CACNA1E: variants seen among roughly 807,000 people sequenced by gnomAD.
The protein encoded by CACNA1E is calcium voltage-gated channel subunit alpha1 E.
CACNA1E carries 40 observed loss-of-function variants against 259.2 expected under a neutral mutation model. The observed-to-expected ratio is 0.15, with a 90% CI of 0.12 to 0.20. The LOEUF (loss-of-function observed/expected upper bound fraction) is 0.20. CACNA1E is among the 10% of genes least tolerant of loss of function. CACNA1E has a pLI of 1.00. For synonymous variants in CACNA1E, 1,104 were observed against 1,138.5 expected, an observed-to-expected ratio of 0.97 and a Z score of 0.61; for missense variants, 1,874 against 3,040.1, an observed-to-expected ratio of 0.62 and a Z score of 9.02.
intron 7 of CACNA1E, among the ~76,000 whole-genome samples, chr1:181,692,766 G>A (rs1379597982): frequency 1.3e-5 from 2 of 152,024 alleles, no homozygotes; most frequent in Non-Finnish European, 2.9e-5. Flanking sequence ...GTCCTCAAAA[G>A]CAATTGCAAT....
At chr1:181,635,305 A>G (rs1283084709) in intron 6 of CACNA1E, among the ~76,000 whole-genome samples, 1 of 152,122 alleles carries the variant, frequency 6.6e-6, no homozygotes, top group Non-Finnish European at 1.5e-5. Context: ...ACCTGTTGCT[A>G]TGGCAGCAAC....
At chr1:181,635,153 C>T (rs948570479) in intron 6 of CACNA1E, among the ~76,000 whole-genome samples, 1 of 152,220 alleles carries the variant, frequency 6.6e-6, no homozygotes, top group African/African-American at 2.4e-5. Flanking sequence ...GGGGCCAGAG[C>T]CCAAGTGGGA....
At chr1:181,331,220 A>ATAGC (rs1175430523) in intron 1 of CACNA1E, among the ~76,000 whole-genome samples, 1 of 152,092 alleles carries the variant, frequency 6.6e-6, no homozygotes, top group African/African-American at 2.4e-5. Context: ...TAGGAGATAG[A>ATAGC]TAGATAGATA....
intron 6 of CACNA1E, among the ~76,000 whole-genome samples, chr1:181,610,568 C>T (rs1053954074): frequency 6.6e-6 from 1 of 152,160 alleles, no homozygotes; most frequent in Non-Finnish European, 1.5e-5. Flanking sequence ...AACATTGTTT[C>T]TTATGCTTAA....
chr1:181,682,024 A>G (rs1650024262), intron 7 of CACNA1E, among the ~76,000 whole-genome samples: 1 of 152,176 alleles, frequency 6.6e-6, no homozygotes, highest in Non-Finnish European at 1.5e-5. Context: ...TGGCAATGCA[A>G]TATTTGCCCT....
intron 26 of CACNA1E, among the ~76,000 whole-genome samples, chr1:181,750,995 G>T (rs542619685): frequency 3.3e-5 from 5 of 151,772 alleles, no homozygotes; most frequent in African/African-American, 9.7e-5. Flanking sequence ...GGGTAGGGGG[G>T]TAGGTATCGC....
chr1:181,596,094 G>A (rs1653128322), intron 6 of CACNA1E, among the ~76,000 whole-genome samples: 1 of 152,182 alleles, frequency 6.6e-6, no homozygotes, highest in Admixed American at 6.5e-5. Flanking sequence ...GAGGGAGAAA[G>A]ATGGGAGATT....
chr1:181,521,884 G>T (rs1334910831), intron 3 of CACNA1E, among the ~76,000 whole-genome samples: 1 of 152,072 alleles, frequency 6.6e-6, no homozygotes, highest in Non-Finnish European at 1.5e-5. Flanking sequence ...GGCCATGGCA[G>T]GTGTGAGAAA....
At position 181,510,593 on chromosome 1, in the gene CACNA1E, C is replaced by G; in HGVS notation, c.372+11C>G. The G allele has an allele frequency of 2.6e-6, 4 of 1,523,076 alleles. No homozygotes were observed. The highest frequency in any genetic ancestry group is 3.6e-6 in the Non-Finnish European group (4 of 1,096,958). 94.3% of individuals were successfully genotyped at this position (1,523,076 alleles called of 1,614,324 possible). On this transcript the variant is annotated intron_variant, in intron 2 of 47. Transcript: ENST00000367573. ...ATGTCCCGAAGACTGGTATGTGATT[C>G]CCCTCCTTCTCCCCTTTGCCCCTTT... is the stretch of plus-strand genomic sequence containing the variant.
intron 25 of CACNA1E, among the ~76,000 whole-genome samples, chr1:181,742,233 T>C (rs1186402361): frequency 2.6e-5 from 4 of 152,164 alleles, no homozygotes; most frequent in African/African-American, 4.8e-5. Context: ...TTTGATGGGG[T>C]TAGCCAGAGT....
intron 7 of CACNA1E, among the ~76,000 whole-genome samples, chr1:181,665,304 C>G (rs1043162544): frequency 6.6e-6 from 1 of 152,230 alleles, no homozygotes; most frequent in South Asian, 2.1e-4. Context: ...TTCATATACT[C>G]CAGGATTTGT....
At chr1:181,402,932 T>C (rs1657207240) in intron 1 of CACNA1E, among the ~76,000 whole-genome samples, 1 of 152,262 alleles carries the variant, frequency 6.6e-6, no homozygotes, top group Non-Finnish European at 1.5e-5. Flanking sequence ...TTCTGTGCCC[T>C]GTTTTCTTAT....
At chr1:181,745,456 C>A in intron 25 of CACNA1E, 3 of 383,646 alleles carry the variant, frequency 7.8e-6, no homozygotes, top group South Asian at 2.2e-5. Context: ...CCCATCCACA[C>A]GGTAACCAAC....
chr1:181,440,982 T>TAAAAA (rs1660428617), intron 2 of CACNA1E, among the ~76,000 whole-genome samples: 1 of 25,284 alleles, frequency 4.0e-5, no homozygotes, highest in Non-Finnish European at 7.5e-5. Context: ...CGACCTTGTT[T>TAAAAA]CAAAAAAAAA....
intron 33 of CACNA1E, among the ~76,000 whole-genome samples, 176 bp downstream of exon 33, chr1:181,762,833 G>A (rs1658703497): frequency 6.6e-6 from 1 of 152,224 alleles, no homozygotes; most frequent in African/African-American, 2.4e-5. Flanking sequence ...CTTGGGAGTG[G>A]CACTGGATCT....
chr1:181,322,860 G>C (rs553484831), intron 1 of CACNA1E, among the ~76,000 whole-genome samples: 70 of 152,282 alleles, frequency 4.6e-4, no homozygotes, highest in Admixed American at 1.4e-3. Flanking sequence ...GTACAGGATT[G>C]GTAGTGACAG....
At chr1:181,342,493 T>A (rs936905393) in intron 1 of CACNA1E, among the ~76,000 whole-genome samples, 58 of 152,126 alleles carry the variant, frequency 3.8e-4, no homozygotes, top group Admixed American at 3.8e-3. Flanking sequence ...TAGATTGTCA[T>A]ATGACAATAA....
intron 6 of CACNA1E, among the ~76,000 whole-genome samples, chr1:181,624,612 C>T (rs996364463): frequency 6.6e-6 from 1 of 152,202 alleles, no homozygotes; most frequent in Non-Finnish European, 1.5e-5. Flanking sequence ...GTCACATCTT[C>T]AGGCTTTATT....
At chr1:181,705,110 G>A (rs1355642186) in intron 7 of CACNA1E, among the ~76,000 whole-genome samples, 3 of 152,188 alleles carry the variant, frequency 2.0e-5, no homozygotes, top group African/African-American at 7.2e-5. Context: ...CTTCATTAAG[G>A]CAGAAATTAG....
Sources: gnomAD v4.1 joint callset for allele counts (sites outside exome capture counted in the v4.1 genomes callset) on GRCh38, gnomAD v4.1.1 for gene constraint, MANE v1.5 for transcripts, NCBI Gene and HGNC (gene_info 2026-07-23, HGNC 2026-07-21) for gene names.